KIF6: variants seen among roughly 807,000 people sequenced by gnomAD.
KIF6 encodes kinesin-like protein KIF6.
Under a neutral mutation model 112.7 loss-of-function variants are expected in KIF6, and 106 were observed. That is an observed-to-expected ratio of 0.94 (90% CI 0.80 to 1.11). KIF6 has a LOEUF of 1.11. Ranked by LOEUF, KIF6 falls within the 50% of genes least tolerant of loss-of-function variation. The pLI is 0.00. For missense variants in KIF6, 929 were observed against 964.0 expected (o/e 0.96, Z 0.48); for synonymous variants, 339 against 339.9 (o/e 1.00, Z 0.03).
At chr6:39,379,545 C>T (rs963583786) in intron 16 of KIF6, among the ~76,000 whole-genome samples, 11 of 152,124 alleles carry the variant, frequency 7.2e-5, no homozygotes, top group Non-Finnish European at 1.3e-4. Context: ...AACAGAGACC[C>T]ATGAGGCGGA....
chr6:39,554,156 C>T (rs559303754), intron 10 of KIF6: 49 of 157,796 alleles, frequency 3.1e-4, no homozygotes, highest in African/African-American at 7.4e-4. Flanking sequence ...GAGCAAAAAC[C>T]GGACCAGCAC....
intron 13 of KIF6, among the ~76,000 whole-genome samples, chr6:39,537,170 C>G (rs1778484739): frequency 6.6e-6 from 1 of 152,144 alleles, no homozygotes; most frequent in Non-Finnish European, 1.5e-5. Flanking sequence ...CAGGGATGCC[C>G]TCTCTCACCA....
intron 19 of KIF6, among the ~76,000 whole-genome samples, chr6:39,355,042 C>A (rs942602586): frequency 2.0e-5 from 3 of 152,062 alleles, no homozygotes; most frequent in Non-Finnish European, 4.4e-5. Context: ...TTAAATTAGC[C>A]ATGTATGGTG....
intron 6 of KIF6, among the ~76,000 whole-genome samples, chr6:39,599,464 G>T (rs577137273): frequency 6.6e-6 from 1 of 152,282 alleles, no homozygotes; most frequent in East Asian, 1.9e-4. Flanking sequence ...GCATAGTTTT[G>T]GTGATGATGA....
At chr6:39,677,656 A>G (rs1243409217) in intron 3 of KIF6, among the ~76,000 whole-genome samples, 1 of 135,780 alleles carries the variant, frequency 7.4e-6, no homozygotes, top group Admixed American at 7.4e-5. Flanking sequence ...AGCATTAGGT[A>G]TATCTCCCAA....
intron 14 of KIF6, among the ~76,000 whole-genome samples, chr6:39,428,520 G>A (rs554420754): frequency 6.6e-6 from 1 of 152,282 alleles, no homozygotes; most frequent in East Asian, 1.9e-4. Context: ...AGAGTATTCA[G>A]CTTCACTGGA....
chr6:39,364,888 C>T (rs1472180665), intron 16 of KIF6, among the ~76,000 whole-genome samples: 1 of 152,192 alleles, frequency 6.6e-6, no homozygotes, highest in Admixed American at 6.5e-5. Context: ...GACAGCCTCC[C>T]CAACACTGCT....
chr6:39,629,224 T>A (rs989723968), intron 5 of KIF6, among the ~76,000 whole-genome samples: 1 of 152,100 alleles, frequency 6.6e-6, no homozygotes, highest in Non-Finnish European at 1.5e-5. Flanking sequence ...GGTAAAAGTA[T>A]GTTTAATTTT....
intron 13 of KIF6, among the ~76,000 whole-genome samples, chr6:39,474,600 CA>C (rs1179891340): frequency 2.6e-5 from 4 of 152,242 alleles, no homozygotes; most frequent in South Asian, 2.1e-4. Context: ...TAAGTGATCA[CA>C]AAAAAACATA....
At chr6:39,510,543 G>T (rs1438113854) in intron 13 of KIF6, among the ~76,000 whole-genome samples, 2 of 152,052 alleles carry the variant, frequency 1.3e-5, no homozygotes, top group East Asian at 3.8e-4. Flanking sequence ...GCTCCCGAAG[G>T]AATCACTAAA....
intron 13 of KIF6, among the ~76,000 whole-genome samples, chr6:39,445,547 A>C (rs552177725): frequency 6.6e-6 from 1 of 152,342 alleles, no homozygotes; most frequent in East Asian, 1.9e-4. Flanking sequence ...CATACAATTT[A>C]GCTCAGCACT....
chr6:39,455,671 T>C (rs1366512459), intron 13 of KIF6, among the ~76,000 whole-genome samples: 1 of 148,870 alleles, frequency 6.7e-6, no homozygotes, highest in Non-Finnish European at 1.5e-5. Context: ...AGAGAAGTGC[T>C]TAAAGGAGCT....
rs1778703989 is a variant in KIF6 at position 39,540,112 on chromosome 6, G to A, written c.1536C>T (p.Arg512=). 1.2e-6 allele frequency: 2 copies of A among 1,614,012 alleles called. No homozygotes were observed. The highest frequency in any genetic ancestry group is 1.3e-5 in the African/African-American group (1 of 74,928). The part of the protein sequence containing the change: ...EFRQSQSPPF[R]LGNPEEGQRM... ...TTTGACCTTCTTCTGGGTTTCCTAG[G>A]CGGAAGGGTGGGCTCTGGGACTGTC... is the stretch of plus-strand genomic sequence containing the variant. The change falls in exon 13 of 23, where the codon CGC becomes CGT. Residue 512 remains arginine (R), a synonymous_variant. Transcript: ENST00000287152.
intron 4 of KIF6, 127 bp from the exon 5 acceptor site, chr6:39,635,085 C>A (rs1351759073): frequency 3.3e-6 from 2 of 603,036 alleles, no homozygotes; most frequent in Non-Finnish European, 5.9e-6. Context: ...ATATGGTTTA[C>A]ATTTTCAGTT....
chr6:39,507,162 C>T (rs1490001287), intron 13 of KIF6, among the ~76,000 whole-genome samples: 2 of 152,242 alleles, frequency 1.3e-5, no homozygotes, highest in East Asian at 1.9e-4. Flanking sequence ...TTGTGACTGG[C>T]ATCAGAAGTG....
intron 13 of KIF6, among the ~76,000 whole-genome samples, chr6:39,520,970 T>C (rs1777365148): frequency 6.6e-6 from 1 of 152,250 alleles, no homozygotes; most frequent in South Asian, 2.1e-4. Context: ...TGTTTTTTGC[T>C]ACAAACAAAG....
In KIF6 at chr6:39,389,299, G is replaced by A. The variant is rs77307950; in HGVS notation, c.1811-3627C>T. ...CTAGTTTGAGATTATTCACGTGAAC[G>A]CTGCTTGGCTGGCCTGGAGGAGAGC... On this transcript the variant is annotated intron_variant, in intron 15 of 22. Coordinates refer to ENST00000287152, the MANE Select transcript of KIF6 (RefSeq NM_145027.6). Among the ~76,000 whole-genome samples the A allele has an allele frequency of 3.6e-3, 553 of 152,190 alleles. 4 individuals are homozygous for A. The highest frequency in any genetic ancestry group is 0.013 in the African/African-American group (538 of 41,526).
chr6:39,552,909 A>G (rs1030215471), intron 10 of KIF6, among the ~76,000 whole-genome samples: 2 of 152,190 alleles, frequency 1.3e-5, no homozygotes, highest in South Asian at 2.1e-4. Context: ...GATTAACTAC[A>G]TAACTACACA....
At chr6:39,672,603 T>C (rs112580395) in intron 3 of KIF6, among the ~76,000 whole-genome samples, 235 of 152,284 alleles carry the variant, frequency 1.5e-3, no homozygotes, top group African/African-American at 5.5e-3. Flanking sequence ...TAACAGAAAT[T>C]TATTTTTCAC....
Sources: gnomAD v4.1 joint callset for allele counts (sites outside exome capture counted in the v4.1 genomes callset) on GRCh38, gnomAD v4.1.1 for gene constraint, MANE v1.5 for transcripts, NCBI Gene and HGNC (gene_info 2026-07-23, HGNC 2026-07-21) for gene names.